The following ALPK2 variants were observed in gnomAD, a reference collection of about 807,000 sequenced individuals.
ALPK2 encodes alpha-protein kinase 2.
In ALPK2, 127 loss-of-function variants were observed where a neutral mutation model predicts 163.1. The ratio of observed to expected loss-of-function variants is 0.78; its 90% CI spans 0.67 to 0.90. The LOEUF (loss-of-function observed/expected upper bound fraction) is 0.90, where lower values mean the gene tolerates loss of function less well. ALPK2 is among the 40% of genes least tolerant of loss of function. The pLI, the probability that ALPK2 is intolerant of heterozygous loss-of-function variation, is 0.00. For synonymous variants in ALPK2, 953 were observed against 959.1 expected, an observed-to-expected ratio of 0.99 and a Z score of 0.12; for missense variants, 2,360 against 2,589.6, an observed-to-expected ratio of 0.91 and a Z score of 1.92.
At chr18:58,513,754 C>G (rs184485889) in intron 10 of ALPK2, among the ~76,000 whole-genome samples, 148 of 152,166 alleles carry the variant, frequency 9.7e-4, no homozygotes, top group Middle Eastern at 3.4e-3. Flanking sequence ...GTGGTGAGCA[C>G]CTGTAGTCCC....
At chr18:58,570,129 C>CAA (rs11329554) in intron 4 of ALPK2, among the ~76,000 whole-genome samples, 2 of 125,432 alleles carry the variant, frequency 1.6e-5, no homozygotes, top group Non-Finnish European at 3.4e-5. Context: ...GACTCCGTCT[C>CAA]AAAAAAAAAA....
intron 6 of ALPK2, among the ~76,000 whole-genome samples, chr18:58,528,203 C>T (rs1399799410): frequency 6.6e-6 from 1 of 152,228 alleles, no homozygotes; most frequent in Non-Finnish European, 1.5e-5. Flanking sequence ...TTCTCACGCT[C>T]ATCTCTTGCC....
intron 1 of ALPK2, among the ~76,000 whole-genome samples, chr18:58,616,004 G>A (rs914474269): frequency 1.3e-5 from 2 of 152,202 alleles, no homozygotes; most frequent in African/African-American, 2.4e-5. Context: ...CTCGTGTTTC[G>A]TGGCTTCTCT....
At chr18:58,559,241 T>C (rs537779721) in intron 4 of ALPK2, among the ~76,000 whole-genome samples, 1 of 152,074 alleles carries the variant, frequency 6.6e-6, no homozygotes, top group South Asian at 2.1e-4. Flanking sequence ...ACAACTGGGG[T>C]TGGGGTGAGG....
chr18:58,614,381 GT>G (rs796722331), intron 1 of ALPK2, among the ~76,000 whole-genome samples: 1 of 152,132 alleles, frequency 6.6e-6, no homozygotes, highest in South Asian at 2.1e-4. Flanking sequence ...ATTATTTTTG[GT>G]TATAGAACTT....
intron 12 of ALPK2, among the ~76,000 whole-genome samples, chr18:58,487,626 C>T (rs1461235423): frequency 6.6e-6 from 1 of 151,958 alleles, no homozygotes. Flanking sequence ...GTCTTTTTGT[C>T]CTTAACCTCT....
intron 4 of ALPK2, among the ~76,000 whole-genome samples, chr18:58,555,978 C>T (rs901016211): frequency 6.6e-5 from 10 of 152,090 alleles, no homozygotes; most frequent in East Asian, 1.9e-4. Flanking sequence ...CCCGACACCA[C>T]GCCTGGCTAA....
intron 5 of ALPK2, among the ~76,000 whole-genome samples, chr18:58,530,742 C>G (rs2051609508): frequency 6.6e-6 from 1 of 152,150 alleles, no homozygotes; most frequent in Non-Finnish European, 1.5e-5. Context: ...GGACCCCTGA[C>G]TATGTGAGAC....
In ALPK2 at chr18:58,588,349, A is replaced by G. The variant is rs541076379; in HGVS notation, c.228-7801T>C. On this transcript the variant is annotated intron_variant, in intron 3 of 12. Transcript: ENST00000361673. ...TAAGCCACCAACAGACTTACCCTTC[A>G]TTACTTTTTATCATGAGTGTACACG... Among the ~76,000 whole-genome samples the G allele has an allele frequency of 6.6e-4, 101 of 152,262 alleles. 1 individual carries two copies. The highest frequency in any genetic ancestry group is 2.2e-3 in the African/African-American group (91 of 41,532).
At chr18:58,617,455 G>C (rs1418478511) in intron 1 of ALPK2, among the ~76,000 whole-genome samples, 2 of 152,114 alleles carry the variant, frequency 1.3e-5, no homozygotes, top group African/African-American at 4.8e-5. Context: ...CCAAAGTGCT[G>C]GGATTACAGG....
intron 12 of ALPK2, among the ~76,000 whole-genome samples, chr18:58,490,693 T>C (rs1602183002): frequency 6.6e-6 from 1 of 151,856 alleles, no homozygotes; most frequent in African/African-American, 2.4e-5. Flanking sequence ...AGGGCAGAGG[T>C]GCCCCACCTT....
At position 58,550,707 on chromosome 18, in the gene ALPK2, C is replaced by T. The variant is rs147762367; in HGVS notation, c.1963-12483G>A. 5.6e-3 allele frequency among the ~76,000 whole-genome samples: 832 copies of T among 149,658 alleles called. 5 individuals are homozygous for T. Among genetic ancestry groups the T allele is most frequent in the African/African-American group, 0.019 (756 of 40,578 alleles). On this transcript the variant is annotated intron_variant, in intron 4 of 12. Transcript: ENST00000361673. ...CCTCCATCGTGTACAACCCCATCCC[C>T]GCTTCCATCACGTACAACCCCATCC...
At chr18:58,513,119 G>A (rs1198687257) in intron 10 of ALPK2, among the ~76,000 whole-genome samples, 2 of 149,188 alleles carry the variant, frequency 1.3e-5, no homozygotes, top group African/African-American at 5.0e-5. Flanking sequence ...TGTATGTGGT[G>A]TGTGTTTGTA....
chr18:58,569,008 G>C (rs972775681), intron 4 of ALPK2, among the ~76,000 whole-genome samples: 1 of 152,154 alleles, frequency 6.6e-6, no homozygotes, highest in African/African-American at 2.4e-5. Context: ...GGGGCCAGGA[G>C]TTCGAGACCA....
chr18:58,545,168 G>A (rs919181123), intron 4 of ALPK2: 4 of 151,370 alleles, frequency 2.6e-5, no homozygotes, highest in African/African-American at 2.4e-5. Context: ...AGTCATCGTC[G>A]AGCTACTGGA....
intron 1 of ALPK2, among the ~76,000 whole-genome samples, chr18:58,621,273 ACTTT>A (rs954522540): frequency 2.7e-5 from 4 of 150,494 alleles, no homozygotes; most frequent in African/African-American, 9.8e-5. Flanking sequence ...GAATGTGATC[ACTTT>A]CTTTTTTTTT....
chr18:58,578,744 A>ACGCGCGCGCACACACG, intron 4 of ALPK2, 70 bp downstream of exon 4: 1 of 769,626 alleles, frequency 1.3e-6, no homozygotes, highest in East Asian at 3.7e-5. Flanking sequence ...ACACACACAC[A>ACGCGCGCGCACACACG]CACACACACA....
intron 1 of ALPK2, among the ~76,000 whole-genome samples, chr18:58,620,921 C>A (rs753679662): frequency 3.4e-4 from 52 of 152,148 alleles, no homozygotes; most frequent in Non-Finnish European, 7.4e-4. Context: ...TTTGGGAGGC[C>A]GAGGTGGGTG....
Position 58,611,725 on chromosome 18 carries a change from C to A in ALPK2, c.73G>T (p.Glu25Ter). 3 of 1,613,134 alleles carry A rather than the reference C, an allele frequency of 1.9e-6. No homozygotes were observed. The highest frequency in any genetic ancestry group is 2.5e-6 in the Non-Finnish European group (3 of 1,179,650). The change falls in exon 2 of 13, where the codon GAG becomes TAG. Residue 25 changes from glutamate (E) to a stop codon, truncating the protein, a stop_gained. Coordinates refer to ENST00000361673, the MANE Select transcript of ALPK2 (RefSeq NM_052947.4). LOFTEE classifies it high-confidence loss of function. ...LSTLLSQKVP[E>*]KSDAVLRCII... The stretch of plus-strand genomic sequence containing the variant: ...CAGCGAAGCACAGCGTCTGACTTCT[C>A]AGGAACCTTCTGGGAAAGCAATGTA...
Sources: gnomAD v4.1 joint callset for allele counts (sites outside exome capture counted in the v4.1 genomes callset) on GRCh38, gnomAD v4.1.1 for gene constraint, MANE v1.5 for transcripts, NCBI Gene and HGNC (gene_info 2026-07-23, HGNC 2026-07-21) for gene names.